The following ADSS1 variants were observed in gnomAD, a reference collection of about 807,000 sequenced individuals.
ADSS1 encodes the protein adenylosuccinate synthetase isozyme 1.
Under a neutral mutation model 59.1 loss-of-function variants are expected in ADSS1, and 57 were observed. The ratio of observed to expected loss-of-function variants is 0.97; its 90% CI spans 0.78 to 1.20. The LOEUF is 1.20. ADSS1 is among the 50% of genes most tolerant of loss of function. The pLI, the probability that ADSS1 is intolerant of heterozygous loss-of-function variation, is 0.00. For missense variants in ADSS1, 603 were observed against 610.3 expected, an observed-to-expected ratio of 0.99 and a Z score of 0.13; for synonymous variants, 247 against 249.4, an observed-to-expected ratio of 0.99 and a Z score of 0.09.
At chr14:104,739,696 C>T (rs1566799753) in intron 4 of ADSS1, 54 bp from the exon 5 acceptor site, 1 of 1,590,556 alleles carries the variant, frequency 6.3e-7, no homozygotes, top group Non-Finnish European at 8.6e-7. Flanking sequence ...GTATACACAT[C>T]TGTCCTCTGC....
chr14:104,729,230 AG>A (rs1319449759), intron 1 of ADSS1, among the ~76,000 whole-genome samples: 17 of 152,216 alleles, frequency 1.1e-4, no homozygotes. Context: ...CCGGGAGTGG[AG>A]GGGGCCCTGG....
intron 2 of ADSS1, chr14:104,737,329 G>C (rs940149055): frequency 2.6e-5 from 4 of 152,168 alleles, no homozygotes; most frequent in Non-Finnish European, 5.9e-5. Flanking sequence ...AGTTGGAATT[G>C]TACAGTATGT....
chr14:104,741,412 T>C (rs1891351087), intron 8 of ADSS1, among the ~76,000 whole-genome samples, 169 bp downstream of exon 8: 1 of 152,144 alleles, frequency 6.6e-6, no homozygotes, highest in South Asian at 2.1e-4. Context: ...GTGTTCCTAT[T>C]GTCAGCAAGG....
chr14:104,740,274 TACAC>T lies in ADSS1; in HGVS notation c.477-324_477-321del, dbSNP rs201993842. Among the ~76,000 whole-genome samples the T allele has an allele frequency of 1.2e-4, 18 of 151,108 alleles. No homozygotes were observed. The East Asian group carries it at 2.1e-3, about 18-fold the overall frequency. ...ACAGGCACACACTCATGCTCTTACA[TACAC>T]ACCACACGCCCACGCATGCTCGCAC... On this transcript the variant is annotated intron_variant, in intron 5 of 12. Transcript: ENST00000330877. The surrounding 1 kb of genome is among the most constrained non-coding windows in gnomAD (Gnocchi z 4.8).
intron 1 of ADSS1, among the ~76,000 whole-genome samples, chr14:104,728,733 T>G (rs540872557): frequency 6.6e-6 from 1 of 152,318 alleles, no homozygotes; most frequent in African/African-American, 2.4e-5. Context: ...CCCCTGCGCT[T>G]GCCACTCTGC....
At position 104,747,076 on chromosome 14, in the gene ADSS1, C is replaced by T. The variant is rs987084933; in HGVS notation, c.*73C>T. ...TGTAAACAGCAGCAGTCACGTTCCT[C>T]GGCCGCCACAACCAACACCAAAGCA... On this transcript the variant is annotated 3_prime_UTR_variant, in exon 13 of 13. Coordinates refer to ENST00000330877, the MANE Select transcript of ADSS1 (RefSeq NM_152328.5). 13 of 1,385,406 alleles carry T rather than the reference C, an allele frequency of 9.4e-6. No individual in the cohort carries two copies. The highest frequency in any genetic ancestry group is 1.9e-4 in the Middle Eastern group (1 of 5,218). 85.8% of individuals were successfully genotyped at this position (1,385,406 alleles called of 1,614,324 possible).
intron 1 of ADSS1, among the ~76,000 whole-genome samples, chr14:104,726,253 A>T (rs1238470094): frequency 6.6e-6 from 1 of 152,220 alleles, no homozygotes. Flanking sequence ...TCACAGGGGA[A>T]CAGAGGCTCA....
intron 1 of ADSS1, among the ~76,000 whole-genome samples, chr14:104,724,941 G>A (rs1027041693): frequency 2.6e-5 from 4 of 152,212 alleles, no homozygotes; most frequent in Non-Finnish European, 5.9e-5. Context: ...GGTGGAGGGG[G>A]TAAAAGCTGC....
intron 1 of ADSS1, among the ~76,000 whole-genome samples, chr14:104,728,199 AG>A (rs1890776498): frequency 6.6e-6 from 1 of 152,110 alleles, no homozygotes; most frequent in South Asian, 2.1e-4. Flanking sequence ...CTTAGGCTCC[AG>A]GGTGCACCAG....
chr14:104,742,640 C>T (rs1015792536), intron 9 of ADSS1, among the ~76,000 whole-genome samples: 4 of 152,232 alleles, frequency 2.6e-5, no homozygotes, highest in Non-Finnish European at 5.9e-5. Flanking sequence ...GAGGGGCGGA[C>T]GCCATCCAGA....
chr14:104,739,555 G>A (rs1891255897), intron 4 of ADSS1, 177 bp downstream of exon 4: 1 of 910,074 alleles, frequency 1.1e-6, no homozygotes, highest in Middle Eastern at 2.6e-4. Flanking sequence ...AGCTGGGTCA[G>A]GGGTCACTAG....
At chr14:104,731,804 C>T (rs537405778) in intron 1 of ADSS1, among the ~76,000 whole-genome samples, 3 of 152,266 alleles carry the variant, frequency 2.0e-5, no homozygotes, top group African/African-American at 7.2e-5. Flanking sequence ...CCTGGGGGCT[C>T]GGCACTGGGG....
At chr14:104,742,627 G>A (rs995856968) in intron 9 of ADSS1, among the ~76,000 whole-genome samples, 2 of 152,252 alleles carry the variant, frequency 1.3e-5, no homozygotes, top group Non-Finnish European at 2.9e-5. Flanking sequence ...AAGCCAACAC[G>A]GGGAGGGGCG....
At chr14:104,742,126 C>T in intron 9 of ADSS1, 124 bp downstream of exon 9, 1 of 1,369,938 alleles carries the variant, frequency 7.3e-7, no homozygotes, top group Non-Finnish European at 9.9e-7. Context: ...CTCCCCATCT[C>T]CCACCAGGGC....
chr14:104,725,932 C>T (rs558341130), intron 1 of ADSS1, among the ~76,000 whole-genome samples: 4 of 152,242 alleles, frequency 2.6e-5, no homozygotes, highest in Non-Finnish European at 5.9e-5. Context: ...CCTGGCTCCG[C>T]GCTCCCAGCT....
chr14:104,746,051 T>TG, intron 11 of ADSS1, 185 bp from the exon 12 acceptor site: 1 of 654,758 alleles, frequency 1.5e-6, no homozygotes, highest in Non-Finnish European at 2.5e-6. Context: ...GCCCCACTGC[T>TG]GTCCCCTGCT....
chr14:104,737,439 A>C (rs1891175361), intron 2 of ADSS1: 2 of 152,176 alleles, frequency 1.3e-5, no homozygotes. Flanking sequence ...GTGTTGAATA[A>C]TACTCCACTG....
At chr14:104,727,860 T>C (rs1354899637) in intron 1 of ADSS1, among the ~76,000 whole-genome samples, 1 of 152,182 alleles carries the variant, frequency 6.6e-6, no homozygotes, top group Non-Finnish European at 1.5e-5. Flanking sequence ...GGGTTTAGAA[T>C]CCCCGTCCTT....
chr14:104,746,941 GCT>G lies in ADSS1; in HGVS notation c.1322-4_1322-3del. The stretch of plus-strand genomic sequence containing the variant: ...AGTGTGTATCATAACAGTCTTTTCT[GCT>G]CTCTCAGTCAAATGGGTTGGTGTTG... On this transcript the variant is annotated splice_region_variant and splice_polypyrimidine_tract_variant and intron_variant, in intron 12 of 12. Transcript: ENST00000330877. The G allele has an allele frequency of 6.2e-7, 1 of 1,613,892 alleles. No individual in the cohort carries two copies. Among genetic ancestry groups the G allele is most frequent in the Non-Finnish European group, 8.5e-7 (1 of 1,179,838 alleles).
Sources: gnomAD v4.1 joint callset for allele counts (sites outside exome capture counted in the v4.1 genomes callset) on GRCh38, gnomAD v4.1.1 for gene constraint, Gnocchi (gnomAD v3.1) non-coding constraint, MANE v1.5 for transcripts, NCBI Gene and HGNC (gene_info 2026-07-23, HGNC 2026-07-21) for gene names.